The following ARHGAP20 variants were observed in gnomAD, a reference collection of about 807,000 sequenced individuals.
ARHGAP20 encodes rho GTPase-activating protein 20.
A neutral mutation model predicts 73.7 loss-of-function variants in ARHGAP20; 34 were observed. That is an observed-to-expected ratio of 0.46 (90% CI 0.35 to 0.61). The LOEUF is 0.61. Ranked by LOEUF, ARHGAP20 falls within the 20% of genes least tolerant of loss-of-function variation. ARHGAP20 has a pLI of 0.00. For synonymous variants in ARHGAP20, 523 were observed against 518.2 expected (o/e 1.01, Z -0.13); for missense variants, 1,314 against 1,420.9 (o/e 0.92, Z 1.21).
chr11:110,681,989 T>C (rs1467023513), intron 2 of ARHGAP20, among the ~76,000 whole-genome samples: 1 of 152,152 alleles, frequency 6.6e-6, no homozygotes, highest in Admixed American at 6.5e-5. Flanking sequence ...CCCAGAGTCA[T>C]TCTAGGCATA....
At chr11:110,656,345 C>T (rs570072267) in intron 2 of ARHGAP20, among the ~76,000 whole-genome samples, 6 of 152,250 alleles carry the variant, frequency 3.9e-5, no homozygotes, top group Non-Finnish European at 7.4e-5. Flanking sequence ...CCTGTGGCTA[C>T]CAAATTCTAC....
At chr11:110,597,825 C>A (rs1948008930) in intron 9 of ARHGAP20, among the ~76,000 whole-genome samples, 1 of 152,108 alleles carries the variant, frequency 6.6e-6, no homozygotes, top group Admixed American at 6.6e-5. Flanking sequence ...ATTCAGGATT[C>A]CTCTGGGACT....
Position 110,712,333 on chromosome 11 carries a change from T to TCCCTGCCTGAGCACGGCA in ARHGAP20, c.-103_-102insTGCCGTGCTCAGGCAGGG. 1 of 1,014,846 alleles carries TCCCTGCCTGAGCACGGCA rather than the reference T, an allele frequency of 9.9e-7. No homozygotes were observed. The highest frequency in any genetic ancestry group is 1.3e-6 in the Non-Finnish European group (1 of 778,360). 62.9% of individuals were successfully genotyped at this position (1,014,846 alleles called of 1,614,324 possible). A position where few individuals can be genotyped will look rare whatever the true frequency, so the allele number is the denominator to read the frequency against. Reference sequence around the variant, plus strand: ...GAGGACGCGCGGGCGGAGGCGCGGCTGCCGTGCTCAGGCAGGGAGCCGAGC... The same window carrying TCCCTGCCTGAGCACGGCA: ...GAGGACGCGCGGGCGGAGGCGCGGCTCCCTGCCTGAGCACGGCAGCCGTGCTCAGGCAGGGAGCCGAGC... On this transcript the variant is annotated 5_prime_UTR_variant, in exon 1 of 15. Transcript: ENST00000683387.
intron 2 of ARHGAP20, among the ~76,000 whole-genome samples, chr11:110,648,154 AATATATATATATATGTAAATAT>A (rs755384534): frequency 0.19 from 25,465 of 131,156 alleles, 2,472 homozygotes; most frequent in South Asian, 0.31. Context: ...TGATATATAT[AATATATATATATATGTAAATAT>A]ATATATATAT....
intron 7 of ARHGAP20, among the ~76,000 whole-genome samples, chr11:110,609,804 G>A (rs1416685488): frequency 6.6e-6 from 1 of 151,986 alleles, no homozygotes; most frequent in Non-Finnish European, 1.5e-5. Flanking sequence ...TCATGGCCCT[G>A]CCCTTACAAT....
At chr11:110,691,482 G>C (rs1950241499) in intron 1 of ARHGAP20, among the ~76,000 whole-genome samples, 2 of 152,068 alleles carry the variant, frequency 1.3e-5, no homozygotes, top group Non-Finnish European at 2.9e-5. Flanking sequence ...CCTCGCCAAA[G>C]GTGTTACCCA....
rs577908911 is a variant in ARHGAP20, at chr11:110,676,303, T to C, written c.188+14244A>G. On this transcript the variant is annotated intron_variant, in intron 2 of 14. Coordinates refer to ENST00000683387, the MANE Select transcript of ARHGAP20 (RefSeq NM_001384657.1). ...TTGTTTTAGTCTGTTCTCATGTTGC[T>C]AATAAAGACATACCTGAGACTAGGT... Among the ~76,000 whole-genome samples the C allele has an allele frequency of 3.2e-4, 48 of 152,282 alleles. 1 individual carries two copies. In the South Asian group the frequency reaches 9.5e-3, roughly 30 times the overall value.
At chr11:110,691,150 CTT>C in intron 1 of ARHGAP20, 1 of 520,874 alleles carries the variant, frequency 1.9e-6, no homozygotes, top group Non-Finnish European at 3.2e-6. Flanking sequence ...TCCAAATAGA[CTT>C]TTTTAAAACT....
At chr11:110,671,263 T>C (rs879622728) in intron 2 of ARHGAP20, among the ~76,000 whole-genome samples, 1 of 151,868 alleles carries the variant, frequency 6.6e-6, no homozygotes, top group Non-Finnish European at 1.5e-5. Context: ...CATCTCAAAG[T>C]TGCAGAAAAA....
chr11:110,710,149 C>T (rs975574559), intron 1 of ARHGAP20, among the ~76,000 whole-genome samples: 4 of 152,150 alleles, frequency 2.6e-5, no homozygotes, highest in Non-Finnish European at 4.4e-5. Context: ...ATGTTGCAAA[C>T]AGTAAGTGCT....
At chr11:110,600,254 C>A (rs1194220206) in intron 9 of ARHGAP20, among the ~76,000 whole-genome samples, 1 of 152,212 alleles carries the variant, frequency 6.6e-6, no homozygotes, top group Non-Finnish European at 1.5e-5. Context: ...TTGGGAAGCC[C>A]AGAGCTGGGA....
chr11:110,609,848 T>G (rs1282865455), intron 7 of ARHGAP20, among the ~76,000 whole-genome samples: 1 of 152,054 alleles, frequency 6.6e-6, no homozygotes, highest in East Asian at 1.9e-4. Flanking sequence ...CATACTCAGT[T>G]TATCTGTTAC....
In ARHGAP20 at chr11:110,630,631, A is replaced by C; in HGVS notation, c.350T>G (p.Ile117Ser). The change falls in exon 3 of 15, where the codon ATC becomes AGC. Residue 117 changes from isoleucine to serine, a missense_variant. Physicochemically the swap from Ile to Ser is moderately radical, Grantham distance 142. Transcript: ENST00000683387. ...LFNDLFVVAKIKYNNNFKIKN... is the reference protein window; with the variant it reads ...LFNDLFVVAKSKYNNNFKIKN... ...CAGGAGTATATAGTATACATACTTG[A>C]TTTTGGCCACAACAAACAGATCATT... 6.2e-7 allele frequency: 1 copy of C among 1,613,918 alleles called. No individual in the cohort carries two copies. The highest frequency in any genetic ancestry group is 8.5e-7 in the Non-Finnish European group (1 of 1,179,904).
chr11:110,602,122 G>A (rs998254433), intron 9 of ARHGAP20, among the ~76,000 whole-genome samples: 8 of 152,102 alleles, frequency 5.3e-5, no homozygotes, highest in African/African-American at 1.2e-4. Flanking sequence ...TATGTGGTGC[G>A]CTCATTACTT....
chr11:110,623,271 G>T (rs1948667600), intron 4 of ARHGAP20, among the ~76,000 whole-genome samples: 1 of 152,204 alleles, frequency 6.6e-6, no homozygotes, highest in East Asian at 1.9e-4. Context: ...GTGGCAAGAA[G>T]AGAAGCAGAA....
intron 2 of ARHGAP20, among the ~76,000 whole-genome samples, chr11:110,688,129 T>G (rs1950172305): frequency 6.6e-6 from 1 of 152,218 alleles, no homozygotes; most frequent in South Asian, 2.1e-4. Context: ...TCAAAAGCTA[T>G]GCAGGAACCC....
At chr11:110,711,536 G>A (rs932675323) in intron 1 of ARHGAP20, 5 of 1,290,388 alleles carry the variant, frequency 3.9e-6, no homozygotes, top group Non-Finnish European at 5.0e-6. Flanking sequence ...GAATCATCCA[G>A]GACCCTGGTG....
intron 2 of ARHGAP20, among the ~76,000 whole-genome samples, chr11:110,632,452 C>T (rs772968769): frequency 9.2e-5 from 14 of 151,936 alleles, no homozygotes; most frequent in Admixed American, 3.3e-4. Context: ...TCACCCAGGC[C>T]GAAGTGCAGT....
At chr11:110,662,831 G>C (rs1321097975) in intron 2 of ARHGAP20, among the ~76,000 whole-genome samples, 1 of 151,880 alleles carries the variant, frequency 6.6e-6, no homozygotes, top group Non-Finnish European at 1.5e-5. Context: ...TAGTAGAAAT[G>C]AATGACCCTC....
Sources: allele counts gnomAD v4.1 joint callset (sites outside exome capture counted in the v4.1 genomes callset), GRCh38; gene constraint gnomAD v4.1.1; transcripts MANE v1.5; gene names NCBI Gene and HGNC (gene_info 2026-07-23, HGNC 2026-07-21).